The following UNC13C variants were observed in gnomAD, a reference collection of about 807,000 sequenced individuals.
UNC13C encodes protein unc-13 homolog C.
Under a neutral mutation model 245.4 loss-of-function variants are expected in UNC13C, and 174 were observed. The observed-to-expected ratio is 0.71, with a 90% CI of 0.63 to 0.80. UNC13C has a LOEUF of 0.80. Ranked by LOEUF, UNC13C falls within the 30% of genes least tolerant of loss-of-function variation. UNC13C has a pLI of 0.00. For synonymous variants in UNC13C, 992 were observed against 895.1 expected, an observed-to-expected ratio of 1.11 and a Z score of -1.93; for missense variants, 2,829 against 2,602.9, an observed-to-expected ratio of 1.09 and a Z score of -1.89.
rs71824258 is a variant in UNC13C at position 54,130,287 on chromosome 15, A to ATTTTTTTTTT, written c.2984-12719_2984-12710dup. 6.2e-5 allele frequency among the ~76,000 whole-genome samples: 5 copies of ATTTTTTTTTT among 81,282 alleles called. 1 individual carries two copies. The highest frequency in any genetic ancestry group is 6.7e-5 in the Non-Finnish European group (3 of 44,914). 53.3% of individuals were successfully genotyped at this position (81,282 alleles called of 152,430 possible). The stretch of plus-strand genomic sequence containing the variant: ...TTCTTCGTGGCCAGGTAGATAATTA[A>ATTTTTTTTTT]TTTTTTTTTTTTTTTTTTTTTGTGA... On this transcript the variant is annotated intron_variant, in intron 2 of 32. Coordinates refer to ENST00000260323, the MANE Select transcript of UNC13C (RefSeq NM_001080534.3).
intron 17 of UNC13C, among the ~76,000 whole-genome samples, chr15:54,382,080 A>G (rs573050527): frequency 8.5e-5 from 13 of 152,212 alleles, no homozygotes; most frequent in African/African-American, 2.9e-4. Flanking sequence ...CTAGAAATCA[A>G]TAGCAAGAAG....
chr15:53,907,047 G>T, the UNC13C span, among the ~76,000 whole-genome samples: 1 of 152,136 alleles, frequency 6.6e-6, no homozygotes, highest in Non-Finnish European at 1.5e-5. Context: ...AGAGTTGGGT[G>T]GGGACACAGA....
At position 54,442,926 on chromosome 15, in the gene UNC13C, C is replaced by T. The variant is rs142391575; in HGVS notation, c.4933+27859C>T. On this transcript the variant is annotated intron_variant, in intron 19 of 32. Coordinates refer to ENST00000260323, the MANE Select transcript of UNC13C (RefSeq NM_001080534.3). Reference sequence around the variant, plus strand: ...TTTTAGTATCGGGGTAATTCTGGCCCCATAGAATTCACTGGAAATAATTTT... The same window carrying T: ...TTTTAGTATCGGGGTAATTCTGGCCTCATAGAATTCACTGGAAATAATTTT... 1.6e-3 allele frequency among the ~76,000 whole-genome samples: 236 copies of T among 152,004 alleles called. 1 individual carries two copies. Among genetic ancestry groups the T allele is most frequent in the African/African-American group, 5.5e-3 (230 of 41,482 alleles).
At chr15:54,307,756 A>G (rs1317570078) in intron 13 of UNC13C, among the ~76,000 whole-genome samples, 1 of 151,776 alleles carries the variant, frequency 6.6e-6, no homozygotes, top group African/African-American at 2.4e-5. Context: ...GTCACACACC[A>G]TTGCTCTTGT....
chr15:53,871,162 G>C, the UNC13C span, among the ~76,000 whole-genome samples: 1 of 152,102 alleles, frequency 6.6e-6, no homozygotes, highest in East Asian at 1.9e-4. Flanking sequence ...TGCTGATATG[G>C]GTCCTGAATG....
intron 2 of UNC13C, among the ~76,000 whole-genome samples, chr15:54,020,188 C>T (rs532859755): frequency 3.4e-4 from 51 of 152,156 alleles, no homozygotes; most frequent in Middle Eastern, 6.8e-3. Context: ...AATATACCTG[C>T]TCACACGGCG....
At chr15:54,595,380 G>T (rs535640124) in intron 30 of UNC13C, among the ~76,000 whole-genome samples, 1 of 152,088 alleles carries the variant, frequency 6.6e-6, no homozygotes, top group East Asian at 1.9e-4. Flanking sequence ...CACAAAGGAG[G>T]GTCTCCTTTT....
chr15:54,027,407 C>T (rs753770372), intron 2 of UNC13C, among the ~76,000 whole-genome samples: 27 of 151,952 alleles, frequency 1.8e-4, no homozygotes, highest in Non-Finnish European at 2.5e-4. Flanking sequence ...CTCGCTCTGT[C>T]GCCCAGGGTG....
At chr15:54,359,340 G>C (rs1201646250) in intron 17 of UNC13C, among the ~76,000 whole-genome samples, 1 of 150,890 alleles carries the variant, frequency 6.6e-6, no homozygotes, top group Admixed American at 6.7e-5. Flanking sequence ...TTTATAAAAT[G>C]AGTTGAAAGT....
At chr15:54,145,334 A>G (rs12915939) in intron 4 of UNC13C, among the ~76,000 whole-genome samples, 45,264 of 151,956 alleles carry the variant, frequency 0.3, 7,144 homozygotes, top group Admixed American at 0.36. Flanking sequence ...TAAGATTTAA[A>G]GTTTTAAATG....
intron 2 of UNC13C, among the ~76,000 whole-genome samples, chr15:54,142,688 T>G (rs1216129236): frequency 1.3e-5 from 2 of 152,196 alleles, no homozygotes; most frequent in East Asian, 3.8e-4. Flanking sequence ...GTTTGGTAGC[T>G]TATCCAATGT....
rs921563310 is a variant in UNC13C at position 54,487,157 on chromosome 15, C to A, written c.4934-7451C>A. On this transcript the variant is annotated intron_variant, in intron 19 of 32. Coordinates refer to ENST00000260323, the MANE Select transcript of UNC13C (RefSeq NM_001080534.3). ...CAGAGAGTGTATCTATGAGGTATGT[C>A]CAACCTCACATCATTCCTGGTTTAA... 3.9e-5 allele frequency among the ~76,000 whole-genome samples: 6 copies of A among 152,048 alleles called. No homozygotes were observed. In the South Asian group the frequency reaches 1.2e-3, roughly 32 times the overall value.
intron 23 of UNC13C, among the ~76,000 whole-genome samples, chr15:54,508,343 C>T (rs1399529575): frequency 6.6e-6 from 1 of 151,998 alleles, no homozygotes; most frequent in Non-Finnish European, 1.5e-5. Flanking sequence ...CTAATTCCTG[C>T]CATTCAGAAA....
chr15:54,514,283 G>A (rs938672787), intron 24 of UNC13C, among the ~76,000 whole-genome samples: 3 of 152,162 alleles, frequency 2.0e-5, no homozygotes, highest in Non-Finnish European at 4.4e-5. Flanking sequence ...ATACAGACAT[G>A]TTCAGGGGCC....
At chr15:54,406,497 G>T (rs182907251) in intron 18 of UNC13C, among the ~76,000 whole-genome samples, 1 of 152,128 alleles carries the variant, frequency 6.6e-6, no homozygotes, top group Non-Finnish European at 1.5e-5. Flanking sequence ...ATTTGCCAAG[G>T]TGCCATATTT....
At chr15:53,999,828 T>C (rs1024269409) in intron 1 of UNC13C, among the ~76,000 whole-genome samples, 2 of 152,078 alleles carry the variant, frequency 1.3e-5, no homozygotes, top group Non-Finnish European at 2.9e-5. Flanking sequence ...CTTTAAAAGA[T>C]AGCTGTGGAG....
chr15:54,348,287 G>T (rs950614708), intron 17 of UNC13C, among the ~76,000 whole-genome samples: 3 of 151,972 alleles, frequency 2.0e-5, no homozygotes, highest in African/African-American at 4.8e-5. Flanking sequence ...TTTCCCTTCC[G>T]CTAGACAGAA....
chr15:54,621,903 C>G (rs1053972581), intron 30 of UNC13C, among the ~76,000 whole-genome samples: 6 of 152,164 alleles, frequency 3.9e-5, no homozygotes, highest in African/African-American at 1.2e-4. Context: ...CTATGAGTTT[C>G]ATGAAGGCAG....
intron 2 of UNC13C, among the ~76,000 whole-genome samples, chr15:54,106,660 C>G (rs1222126779): frequency 6.6e-6 from 1 of 152,184 alleles, no homozygotes; most frequent in African/African-American, 2.4e-5. Flanking sequence ...ATTTCCCCCA[C>G]CAAATTTATT....
Sources: gnomAD v4.1 joint callset for allele counts (sites outside exome capture counted in the v4.1 genomes callset) on GRCh38, gnomAD v4.1.1 for gene constraint, MANE v1.5 for transcripts, NCBI Gene and HGNC (gene_info 2026-07-23, HGNC 2026-07-21) for gene names.